TJP1: variants seen among roughly 807,000 people sequenced by gnomAD.
TJP1 encodes the protein tight junction protein 1, also known as tight junction protein ZO-1.
In TJP1, 43 loss-of-function variants were observed where a neutral mutation model predicts 194.2. That is an observed-to-expected ratio of 0.22 (90% CI 0.17 to 0.29). The LOEUF (loss-of-function observed/expected upper bound fraction) is 0.29. Among genes scored for constraint, TJP1 ranks in the 10% least tolerant of loss-of-function variants. The pLI, the probability that TJP1 is intolerant of heterozygous loss-of-function variation, is 1.00. For missense variants in TJP1, 1,971 were observed against 2,185.7 expected (o/e 0.90, Z 1.96); for synonymous variants, 801 against 779.0 (o/e 1.03, Z -0.47).
chr15:29,836,267 T>G (rs2051024593), intron 2 of TJP1, among the ~76,000 whole-genome samples: 1 of 151,864 alleles, frequency 6.6e-6, no homozygotes. Flanking sequence ...ATCTGTGGGA[T>G]GATCAACTTT....
intron 2 of TJP1, among the ~76,000 whole-genome samples, chr15:29,903,492 T>C (rs2053698969): frequency 6.6e-6 from 1 of 152,126 alleles, no homozygotes. Context: ...TCGCCCAGGC[T>C]GGAGTGCAGT....
chr15:29,825,719 A>G (rs1007940801), upstream of TJP1, among the ~76,000 whole-genome samples: 1 of 152,252 alleles, frequency 6.6e-6, no homozygotes, highest in Non-Finnish European at 1.5e-5. Flanking sequence ...GAAGCATTAG[A>G]CAATCTCGAT....
intron 11 of TJP1, among the ~76,000 whole-genome samples, chr15:29,735,150 CTG>C (rs2043943114): frequency 1.3e-5 from 2 of 151,518 alleles, no homozygotes; most frequent in African/African-American, 2.4e-5. Flanking sequence ...TCACCAGTGA[CTG>C]TGTGCAGGAT....
At chr15:29,711,657 G>A (rs150273700) in intron 23 of TJP1, among the ~76,000 whole-genome samples, 22 of 152,258 alleles carry the variant, frequency 1.4e-4, no homozygotes, top group Admixed American at 1.0e-3. Flanking sequence ...ATGAGCCACC[G>A]CACCCGGCCC....
At chr15:29,717,862 C>CT (rs1003169790) in intron 22 of TJP1, among the ~76,000 whole-genome samples, 159 bp downstream of exon 22, 27 of 152,000 alleles carry the variant, frequency 1.8e-4, no homozygotes, top group Admixed American at 1.6e-3. Context: ...TTTTTTCCCC[C>CT]TAGAATCACT....
At chr15:29,761,980 C>T (rs1175198250) in intron 6 of TJP1, among the ~76,000 whole-genome samples, 1 of 152,120 alleles carries the variant, frequency 6.6e-6, no homozygotes, top group Non-Finnish European at 1.5e-5. Context: ...ATAGTAGCAT[C>T]CCCTAACTCC....
chr15:29,895,686 T>C (rs775936124), intron 2 of TJP1, among the ~76,000 whole-genome samples: 13 of 152,204 alleles, frequency 8.5e-5, no homozygotes, highest in Non-Finnish European at 1.6e-4. Flanking sequence ...TTTTCTAGCA[T>C]GCACCTCAAA....
intron 2 of TJP1, among the ~76,000 whole-genome samples, chr15:29,831,965 A>G (rs2050850473): frequency 6.6e-6 from 1 of 152,168 alleles, no homozygotes; most frequent in Non-Finnish European, 1.5e-5. Flanking sequence ...TGTACATTTG[A>G]CAGTTCTTTA....
rs1466728422 is a variant in TJP1 at position 29,822,452 on chromosome 15, G to A, written c.-424C>T. ...GGCGTCCGCTGGCTCAGCCGGCGCC[G>A]GCAACTCAGCGGCCACGCAAACCTG... On this transcript the variant is annotated 5_prime_UTR_variant, in exon 1 of 28. Transcript: ENST00000614355. 4.1e-6 allele frequency: 4 copies of A among 986,542 alleles called. No homozygotes were observed. The highest frequency in any genetic ancestry group is 1.7e-5 in the African/African-American group (1 of 57,236). The allele number at this position is 986,542 out of a possible 1,614,324, so 61.1% of individuals were successfully genotyped here.
At position 29,708,787 on chromosome 15, in the gene TJP1, C is replaced by A; in HGVS notation, c.4622G>T (p.Arg1541Leu). ...PYTSSARPFERKFESPKFNHN... is the reference protein window; with the variant it reads ...PYTSSARPFELKFESPKFNHN... The stretch of plus-strand genomic sequence containing the variant: ...ATTGAATTTAGGACTTTCAAACTTG[C>A]GTTCAAATGGTCGGGCAGAACTTGT... Residue 1541 changes from arginine (R) to leucine (L), a missense_variant, in exon 25 of 28, where the codon CGC becomes CTC. By Grantham distance (102) the Arg-to-Leu change is moderately radical. Coordinates refer to ENST00000614355, the MANE Select transcript of TJP1 (RefSeq NM_001330239.4). The A allele has an allele frequency of 1.9e-6, 3 of 1,614,194 alleles. No individual in the cohort carries two copies. Among genetic ancestry groups the A allele is most frequent in the Non-Finnish European group, 2.5e-6 (3 of 1,180,038 alleles).
intron 3 of TJP1, 80 bp from the exon 4 acceptor site, chr15:29,772,246 C>T: frequency 1.3e-6 from 1 of 794,062 alleles, no homozygotes. Context: ...AAGATAGGTA[C>T]TTCTAAAATG....
chr15:29,891,037 C>G (rs2053290103), intron 2 of TJP1, among the ~76,000 whole-genome samples: 1 of 152,240 alleles, frequency 6.6e-6, no homozygotes, highest in African/African-American at 2.4e-5. Context: ...TCTCCTAGAG[C>G]AGCATCTTTT....
chr15:29,960,670 A>G lies in TJP1; in HGVS notation c.174-4306T>C, dbSNP rs181928945. On this transcript the variant is annotated intron_variant, in intron 1 of 28. Coordinates refer to the TJP1 transcript ENST00000356107. ...AAAAAAAGTAATAATCAGTAGCGCT[A>G]AAGTGGTGTATACCAGGTGAAAATC... 2.8e-3 allele frequency among the ~76,000 whole-genome samples: 429 copies of G among 151,334 alleles called. 2 individuals are homozygous for G. Among genetic ancestry groups the G allele is most frequent in the Middle Eastern group, 6.9e-3 (2 of 288 alleles).
chr15:29,716,599 G>A lies in TJP1; in HGVS notation c.4202+12C>T. ...TGCATCCTATTTTTAAAAGCCAGGT[G>A]AAATAGCTTACTTTGAAGAATAACT... is the stretch of plus-strand genomic sequence containing the variant. On this transcript the variant is annotated intron_variant, in intron 23 of 27. Coordinates refer to ENST00000614355, the MANE Select transcript of TJP1 (RefSeq NM_001330239.4). 1 of 1,593,246 alleles carries A rather than the reference G, an allele frequency of 6.3e-7. No homozygotes were observed. The highest frequency in any genetic ancestry group is 8.6e-7 in the Non-Finnish European group (1 of 1,162,012).
chr15:29,719,719 G>T, intron 20 of TJP1, 58 bp downstream of exon 20: 1 of 1,569,868 alleles, frequency 6.4e-7, no homozygotes, highest in South Asian at 1.2e-5. Context: ...AAGCAAAAAT[G>T]ATCATGTGCC....
chr15:29,782,533 T>C (rs143647317), intron 2 of TJP1, among the ~76,000 whole-genome samples: 1 of 152,192 alleles, frequency 6.6e-6, no homozygotes. Context: ...ATACCATACA[T>C]AGAAATCAAC....
chr15:29,943,807 G>T (rs2055174395), intron 2 of TJP1, among the ~76,000 whole-genome samples: 1 of 151,306 alleles, frequency 6.6e-6, no homozygotes, highest in Non-Finnish European at 1.5e-5. Flanking sequence ...AAATTACTGG[G>T]TATGGTGGCG....
rs149895952 is a variant in TJP1, at chr15:29,752,695, G to C, written c.1010+8444C>G. ...GTTCACAAAAGTTCAGGATGTCATC[G>C]ATATTCCACTCACTTTGAAATGTTA... On this transcript the variant is annotated intron_variant, in intron 8 of 27. Transcript: ENST00000614355. Among the ~76,000 whole-genome samples the C allele has an allele frequency of 8.0e-4, 121 of 152,144 alleles. 1 individual carries two copies. The East Asian group carries it at 0.021, about 26-fold the overall frequency.
intron 2 of TJP1, among the ~76,000 whole-genome samples, chr15:29,788,071 G>T (rs1442468973): frequency 6.6e-6 from 1 of 152,104 alleles, no homozygotes; most frequent in Non-Finnish European, 1.5e-5. Flanking sequence ...TAATGATACT[G>T]AACATCTTTT....
Sources: gnomAD v4.1 joint callset for allele counts (sites outside exome capture counted in the v4.1 genomes callset) on GRCh38, gnomAD v4.1.1 for gene constraint, MANE v1.5 for transcripts, NCBI Gene and HGNC (gene_info 2026-07-23, HGNC 2026-07-21) for gene names.